The following NAV2 variants were observed in gnomAD, a reference collection of about 807,000 sequenced individuals.
The protein encoded by NAV2 is helicase, APC down-regulated 1.
Under a neutral mutation model 223.2 loss-of-function variants are expected in NAV2, and 54 were observed. That is an observed-to-expected ratio of 0.24 (90% CI 0.19 to 0.30). The LOEUF (loss-of-function observed/expected upper bound fraction) is 0.30, where lower values mean the gene tolerates loss of function less well. Ranked by LOEUF, NAV2 falls within the 10% of genes least tolerant of loss-of-function variation. The pLI is 1.00. For synonymous variants in NAV2, 1,279 were observed against 1,239.3 expected (o/e 1.03, Z -0.67); for missense variants, 2,806 against 3,147.5 (o/e 0.89, Z 2.60).
chr11:19,560,993 A>T (rs973743798), intron 1 of NAV2, among the ~76,000 whole-genome samples: 2 of 152,192 alleles, frequency 1.3e-5, no homozygotes, highest in African/African-American at 4.8e-5. Context: ...GCAGGAAAGG[A>T]TATATGTGCA....
chr11:19,645,018 C>T (rs929812403), intron 1 of NAV2, among the ~76,000 whole-genome samples: 2 of 152,188 alleles, frequency 1.3e-5, no homozygotes, highest in African/African-American at 2.4e-5. Context: ...GCTGCTATAA[C>T]AAATTATGAA....
intron 3 of NAV2, among the ~76,000 whole-genome samples, chr11:19,858,441 T>G (rs2061508079): frequency 6.6e-6 from 1 of 152,390 alleles, no homozygotes; most frequent in African/African-American, 2.4e-5. Flanking sequence ...ATGCCACATT[T>G]TCTGTATCCA....
chr11:19,740,413 C>T (rs1421338457), intron 1 of NAV2, among the ~76,000 whole-genome samples: 1 of 152,144 alleles, frequency 6.6e-6, no homozygotes, highest in African/African-American at 2.4e-5. Context: ...TACCCAGGGA[C>T]ACAAACACTG....
chr11:20,118,145 A>G lies in NAV2; in HGVS notation c.7177A>G (p.Met2393Val). The G allele has an allele frequency of 6.7e-7, 1 of 1,500,068 alleles. No homozygotes were observed. 92.9% of individuals were successfully genotyped at this position (1,500,068 alleles called of 1,614,324 possible). A position where few individuals can be genotyped will look rare whatever the true frequency, so the allele number is the denominator to read the frequency against. The change falls in exon 38 of 38, where the codon ATG becomes GTG. Residue 2393 changes from methionine to valine, a missense_variant. Transcript: ENST00000349880. ...AEGDPLMNML[M>V]RLQEAANYSS... ...ACTCTTCCCCTAGATGAACATGCTGATGAGGCTGCAGGAGGCAGCCAACTA... is the reference window on the plus strand; with the variant it reads ...ACTCTTCCCCTAGATGAACATGCTGGTGAGGCTGCAGGAGGCAGCCAACTA...
Position 20,049,041 on chromosome 11 carries a change from A to C in NAV2, c.4216A>C (p.Ser1406Arg), listed in dbSNP as rs1221681090. Reference protein sequence around the residue: ...KDGLGFQSVSSLHTSCESIDI... With the variant: ...KDGLGFQSVSRLHTSCESIDI... Reference sequence around the variant, plus strand: ...TGGCCTGGGCTTTCAGTCTGTCAGCAGCCTCCACACCAGCTGTGAGTCCAT... The same window carrying C: ...TGGCCTGGGCTTTCAGTCTGTCAGCCGCCTCCACACCAGCTGTGAGTCCAT... Residue 1406 changes from serine to arginine, a missense_variant, in exon 15 of 38, where the codon AGC (serine) becomes CGC (arginine). By Grantham distance (110) the Ser-to-Arg change is moderately radical (BLOSUM62 -1). Transcript: ENST00000349880. 11 of 1,614,106 alleles carry C rather than the reference A, an allele frequency of 6.8e-6. No homozygotes were observed. The highest frequency in any genetic ancestry group is 1.3e-5 in the African/African-American group (1 of 75,026).
At chr11:19,644,517 G>A (rs2047763009) in intron 1 of NAV2, among the ~76,000 whole-genome samples, 1 of 152,216 alleles carries the variant, frequency 6.6e-6, no homozygotes, top group South Asian at 2.1e-4. Flanking sequence ...AAGGCGGACT[G>A]TGGTCTAATA....
chr11:19,496,868 T>G (rs1387735207), intron 1 of NAV2, among the ~76,000 whole-genome samples: 1 of 152,134 alleles, frequency 6.6e-6, no homozygotes, highest in Non-Finnish European at 1.5e-5. Context: ...AAAAACAGTT[T>G]TCTTGACTAT....
intron 6 of NAV2, among the ~76,000 whole-genome samples, chr11:19,905,976 C>T (rs1000923913): frequency 1.3e-5 from 2 of 152,118 alleles, no homozygotes; most frequent in African/African-American, 4.8e-5. Context: ...ATCTTCCCAG[C>T]CCCTCAAAAT....
At chr11:19,526,278 A>C (rs2043839659) in intron 1 of NAV2, among the ~76,000 whole-genome samples, 1 of 152,186 alleles carries the variant, frequency 6.6e-6, no homozygotes, top group African/African-American at 2.4e-5. Context: ...CCTGCAGTGA[A>C]AACTCAAAGA....
intron 17 of NAV2, 143 bp downstream of exon 17, chr11:20,051,476 T>TC (rs2058005218): frequency 2.6e-6 from 2 of 758,820 alleles, no homozygotes; most frequent in Non-Finnish European, 4.8e-6. Flanking sequence ...GGATGACGGC[T>TC]CCCCTTGCAC....
intron 1 of NAV2, among the ~76,000 whole-genome samples, chr11:19,453,391 T>C (rs1261361991): frequency 1.3e-5 from 2 of 152,222 alleles, no homozygotes; most frequent in South Asian, 4.1e-4. Context: ...AGAAGGGCTA[T>C]TCTTGGGACT....
chr11:19,942,126 C>G (rs975002931), intron 8 of NAV2, among the ~76,000 whole-genome samples: 5 of 152,240 alleles, frequency 3.3e-5, no homozygotes, highest in African/African-American at 4.8e-5. Context: ...TATCTGTGAG[C>G]TGAAAGCTCC....
chr11:19,472,470 C>G (rs2041994315), intron 1 of NAV2, among the ~76,000 whole-genome samples: 1 of 152,034 alleles, frequency 6.6e-6, no homozygotes, highest in African/African-American at 2.4e-5. Flanking sequence ...AAATATAAGT[C>G]ATTAATATTA....
chr11:19,634,334 C>T (rs1377932325), intron 1 of NAV2, among the ~76,000 whole-genome samples: 1 of 152,074 alleles, frequency 6.6e-6, no homozygotes, highest in Non-Finnish European at 1.5e-5. Context: ...CTGGGGTCTA[C>T]TTGAAGGTGG....
intron 8 of NAV2, among the ~76,000 whole-genome samples, chr11:19,942,366 A>G (rs571847844): frequency 1.3e-5 from 2 of 152,302 alleles, no homozygotes; most frequent in South Asian, 4.1e-4. Flanking sequence ...ACAAGAGGGA[A>G]ACAGGACACT....
intron 1 of NAV2, among the ~76,000 whole-genome samples, chr11:19,769,769 T>A (rs979813291): frequency 2.6e-5 from 4 of 152,182 alleles, no homozygotes; most frequent in Non-Finnish European, 5.9e-5. Context: ...TTTAACCCAC[T>A]TCAAGGCTAT....
intron 1 of NAV2, among the ~76,000 whole-genome samples, chr11:19,508,597 A>G (rs1461784498): frequency 1.3e-5 from 2 of 152,154 alleles, no homozygotes; most frequent in Non-Finnish European, 2.9e-5. Context: ...CTCTTCAGGG[A>G]AGCCTTCCCT....
intron 1 of NAV2, among the ~76,000 whole-genome samples, chr11:19,762,725 T>C (rs902045851): frequency 6.6e-6 from 1 of 150,654 alleles, no homozygotes; most frequent in African/African-American, 2.4e-5. Context: ...GCAATTCTCC[T>C]GCCTCAGCCT....
intron 1 of NAV2, among the ~76,000 whole-genome samples, chr11:19,554,343 A>G (rs1250983420): frequency 6.6e-6 from 1 of 152,228 alleles, no homozygotes; most frequent in African/African-American, 2.4e-5. Context: ...GTCTGATGCC[A>G]ATGCCCACAC....
Sources: gnomAD v4.1 joint callset for allele counts (sites outside exome capture counted in the v4.1 genomes callset) on GRCh38, gnomAD v4.1.1 for gene constraint, MANE v1.5 for transcripts, NCBI Gene and HGNC (gene_info 2026-07-23, HGNC 2026-07-21) for gene names.